Variants in ADAMTS6 observed in about 807,000 individuals in gnomAD.
The protein encoded by ADAMTS6 is ADAM metallopeptidase with thrombospondin type 1 motif 6, also known as A disintegrin and metalloproteinase with thrombospondin motifs 6.
Under a neutral mutation model 144.3 loss-of-function variants are expected in ADAMTS6, and 23 were observed. The observed-to-expected ratio is 0.16, with a 90% CI of 0.11 to 0.23. The LOEUF (loss-of-function observed/expected upper bound fraction) is 0.23, where lower values mean the gene tolerates loss of function less well. Among genes scored for constraint, ADAMTS6 ranks in the 10% least tolerant of loss-of-function variants. ADAMTS6 has a pLI of 1.00. For missense variants in ADAMTS6, 999 were observed against 1,379.6 expected (o/e 0.72, Z 4.37); for synonymous variants, 444 against 457.5 (o/e 0.97, Z 0.38).
chr5:65,391,419 TACACACAC>T (rs34581260), intron 7 of ADAMTS6, among the ~76,000 whole-genome samples: 309 of 148,618 alleles, frequency 2.1e-3, no homozygotes, highest in African/African-American at 6.8e-3. Flanking sequence ...TGTGTCTCTC[TACACACAC>T]ACACACACAC....
intron 10 of ADAMTS6, among the ~76,000 whole-genome samples, chr5:65,292,100 T>C (rs943105606): frequency 6.6e-6 from 1 of 152,184 alleles, no homozygotes; most frequent in Non-Finnish European, 1.5e-5. Flanking sequence ...CTCTTCTTTG[T>C]ATAATTTCTG....
rs150643972 is a variant in ADAMTS6, at chr5:65,177,549, C to G, written c.2911-4541G>C. Among the ~76,000 whole-genome samples, 62 of 152,280 alleles carry G rather than the reference C, an allele frequency of 4.1e-4. 1 individual carries two copies. In the East Asian group the frequency reaches 0.011, roughly 26 times the overall value. On this transcript the variant is annotated intron_variant, in intron 22 of 24. Coordinates refer to ENST00000381055, the MANE Select transcript of ADAMTS6 (RefSeq NM_197941.4). ...TAGTGTCAACCAGGATTCTTGCCCC[C>G]CAATGTAGAGCTTTTATGCTGTAGT...
chr5:65,461,498 T>C (rs1049522696), intron 3 of ADAMTS6, among the ~76,000 whole-genome samples: 1 of 152,228 alleles, frequency 6.6e-6, no homozygotes, highest in East Asian at 1.9e-4. Flanking sequence ...ATTTCCACCT[T>C]TGTCTAATAG....
chr5:65,184,726 T>C (rs1754564952), intron 22 of ADAMTS6, among the ~76,000 whole-genome samples: 1 of 151,952 alleles, frequency 6.6e-6, no homozygotes. Context: ...GTATAGATTA[T>C]AGGATATGCG....
intron 15 of ADAMTS6, among the ~76,000 whole-genome samples, chr5:65,231,551 T>A (rs553684080): frequency 7.7e-4 from 117 of 152,182 alleles, no homozygotes; most frequent in African/African-American, 2.6e-3. Flanking sequence ...ATACAAAAAA[T>A]TCCATCCAGA....
intron 2 of ADAMTS6, among the ~76,000 whole-genome samples, 171 bp downstream of exon 2, chr5:65,473,406 G>A (rs923227597): frequency 3.3e-5 from 5 of 152,028 alleles, no homozygotes; most frequent in African/African-American, 1.2e-4. Context: ...CAAGTTAAAC[G>A]ACGCATAGCC....
chr5:65,474,909 G>C (rs1760740906), intron 1 of ADAMTS6, among the ~76,000 whole-genome samples: 1 of 150,922 alleles, frequency 6.6e-6, no homozygotes, highest in Admixed American at 6.6e-5. Context: ...AGTTCCTATT[G>C]TATGTATAAC....
intron 7 of ADAMTS6, among the ~76,000 whole-genome samples, chr5:65,362,093 G>C (rs1749880787): frequency 6.6e-6 from 1 of 152,182 alleles, no homozygotes; most frequent in Non-Finnish European, 1.5e-5. Context: ...AGTAGTGGTA[G>C]TATACCTGAA....
At chr5:65,316,148 G>C (rs1744975618) in intron 9 of ADAMTS6, among the ~76,000 whole-genome samples, 1 of 152,146 alleles carries the variant, frequency 6.6e-6, no homozygotes, top group Admixed American at 6.5e-5. Context: ...CTGAGCTCAG[G>C]CAATCCGCCC....
chr5:65,354,690 A>T (rs1225904824), intron 7 of ADAMTS6, among the ~76,000 whole-genome samples: 1 of 151,852 alleles, frequency 6.6e-6, no homozygotes. Flanking sequence ...ACTTTAATTT[A>T]GGAATAATAT....
chr5:65,336,596 C>A (rs1251991265), intron 7 of ADAMTS6, among the ~76,000 whole-genome samples: 1 of 151,938 alleles, frequency 6.6e-6, no homozygotes, highest in Non-Finnish European at 1.5e-5. Flanking sequence ...ATTCTGTCCC[C>A]ATAATATTTT....
intron 23 of ADAMTS6, among the ~76,000 whole-genome samples, chr5:65,172,324 G>C (rs867008321): frequency 2.1e-4 from 31 of 151,080 alleles, no homozygotes; most frequent in African/African-American, 7.6e-4. Flanking sequence ...TGAGGCAGGA[G>C]GATGGCCTGA....
intron 7 of ADAMTS6, among the ~76,000 whole-genome samples, chr5:65,355,223 T>C (rs943583039): frequency 6.6e-6 from 1 of 151,836 alleles, no homozygotes; most frequent in African/African-American, 2.4e-5. Context: ...AGTTAAAAGA[T>C]GTGATGATAA....
In ADAMTS6 at chr5:65,167,092, G is replaced by T. The variant is rs1289747233; in HGVS notation, c.3244+3525C>A. ...CCCTTCAAAAAATCAATGAATCCAGGAGCTGGTTTTTTGAAAGGATCAACA... is the reference window on the plus strand; with the variant it reads ...CCCTTCAAAAAATCAATGAATCCAGTAGCTGGTTTTTTGAAAGGATCAACA... On this transcript the variant is annotated intron_variant, in intron 24 of 24. Transcript: ENST00000381055. 2.4e-3 allele frequency among the ~76,000 whole-genome samples: 341 copies of T among 144,526 alleles called. 1 individual carries two copies. The highest frequency in any genetic ancestry group is 3.5e-3 in the Non-Finnish European group (228 of 65,532). 94.8% of individuals were successfully genotyped at this position (144,526 alleles called of 152,430 possible). A position where few individuals can be genotyped will look rare whatever the true frequency, so the allele number is the denominator to read the frequency against.
At chr5:65,469,822 G>T (rs1760299616) in intron 3 of ADAMTS6, among the ~76,000 whole-genome samples, 1 of 152,116 alleles carries the variant, frequency 6.6e-6, no homozygotes, top group Non-Finnish European at 1.5e-5. Flanking sequence ...AAGAATATGG[G>T]TATGTTATAA....
At chr5:65,318,618 A>C (rs943815198) in intron 9 of ADAMTS6, among the ~76,000 whole-genome samples, 3 of 152,222 alleles carry the variant, frequency 2.0e-5, no homozygotes, top group Admixed American at 1.3e-4. Flanking sequence ...TAAGCGAAAT[A>C]AGCCAGGCAC....
At chr5:65,331,886 A>T (rs1580416191) in intron 8 of ADAMTS6, among the ~76,000 whole-genome samples, 1 of 152,112 alleles carries the variant, frequency 6.6e-6, no homozygotes, top group Non-Finnish European at 1.5e-5. Context: ...TTTTCACAAG[A>T]AGTAGTATAA....
At chr5:65,173,834 C>T (rs1375071438) in intron 22 of ADAMTS6, among the ~76,000 whole-genome samples, 3 of 152,034 alleles carry the variant, frequency 2.0e-5, no homozygotes, top group African/African-American at 7.2e-5. Context: ...ACCATCCTGG[C>T]CAACATGGTG....
At chr5:65,406,638 G>T (rs1463855367) in intron 7 of ADAMTS6, among the ~76,000 whole-genome samples, 1 of 152,070 alleles carries the variant, frequency 6.6e-6, no homozygotes, top group East Asian at 1.9e-4. Flanking sequence ...CCAGGCTTTG[G>T]TATCACGATG....
Sources: gnomAD v4.1 joint callset for allele counts (sites outside exome capture counted in the v4.1 genomes callset) on GRCh38, gnomAD v4.1.1 for gene constraint, MANE v1.5 for transcripts, NCBI Gene and HGNC (gene_info 2026-07-23, HGNC 2026-07-21) for gene names.